MAL: variants seen among roughly 807,000 people sequenced by gnomAD.
MAL encodes the protein mal, T cell differentiation protein (MAL blood group).
In MAL, 5 loss-of-function variants were observed where a neutral mutation model predicts 16.7. The ratio of observed to expected loss-of-function variants is 0.30; its 90% CI spans 0.16 to 0.63. The LOEUF (loss-of-function observed/expected upper bound fraction) is 0.63, where lower values mean the gene tolerates loss of function less well. Among genes scored for constraint, MAL ranks in the 30% least tolerant of loss-of-function variants. MAL has a pLI of 0.82. For missense variants in MAL, 202 were observed against 195.8 expected, an observed-to-expected ratio of 1.03 and a Z score of -0.19; for synonymous variants, 96 against 85.5, an observed-to-expected ratio of 1.12 and a Z score of -0.67.
chr2:95,039,436 C>CTGAGTGAG (rs551292618), intron 1 of MAL, among the ~76,000 whole-genome samples: 3 of 92,770 alleles, frequency 3.2e-5, no homozygotes, highest in Non-Finnish European at 4.4e-5. Flanking sequence ...GACTGAGTGA[C>CTGAGTGAG]TGAGTGAGTG....
At chr2:95,048,645 G>A (rs1674644288) in intron 2 of MAL, among the ~76,000 whole-genome samples, 1 of 152,190 alleles carries the variant, frequency 6.6e-6, no homozygotes, top group Admixed American at 6.5e-5. Context: ...TCTGCTTTGA[G>A]ACCCATGAAA....
intron 1 of MAL, among the ~76,000 whole-genome samples, chr2:95,033,242 C>T (rs371831921): frequency 5.3e-5 from 8 of 152,108 alleles, no homozygotes; most frequent in East Asian, 1.9e-4. Flanking sequence ...TGGAGTGGGG[C>T]GGGTGGGGTC....
intron 1 of MAL, among the ~76,000 whole-genome samples, chr2:95,029,283 G>A (rs1345547490): frequency 3.3e-5 from 5 of 152,210 alleles, no homozygotes; most frequent in African/African-American, 1.2e-4. Context: ...AGGGCCACCT[G>A]TAGGCTGAAT....
chr2:95,047,882 G>A, intron 1 of MAL, 77 bp from the exon 2 acceptor site: 3 of 1,452,592 alleles, frequency 2.1e-6, no homozygotes, highest in Non-Finnish European at 2.8e-6. Flanking sequence ...GTCACCCCAT[G>A]TGACCGCTGG....
chr2:95,050,894 GGT>G (rs1674701851), intron 3 of MAL, among the ~76,000 whole-genome samples: 1 of 152,116 alleles, frequency 6.6e-6, no homozygotes, highest in Admixed American at 6.5e-5. Flanking sequence ...TGGGGAGGCT[GGT>G]GAGCCACCCT....
At chr2:95,037,536 GTGAC>G (rs1274771134) in intron 1 of MAL, among the ~76,000 whole-genome samples, 6 of 151,502 alleles carry the variant, frequency 4.0e-5, no homozygotes, top group East Asian at 3.9e-4. Flanking sequence ...AAGCGAGTGA[GTGAC>G]TGAGTGAGTG....
intron 3 of MAL, among the ~76,000 whole-genome samples, chr2:95,050,122 T>C (rs3112982): frequency 0.8 from 121,140 of 152,098 alleles, 48,616 homozygotes; most frequent in African/African-American, 0.88. Context: ...TTGTGGGACC[T>C]GGCATCAACG....
intron 2 of MAL, among the ~76,000 whole-genome samples, chr2:95,049,051 C>T (rs1249733349): frequency 6.6e-6 from 1 of 152,156 alleles, no homozygotes; most frequent in Non-Finnish European, 1.5e-5. Flanking sequence ...GTCCTGGCCT[C>T]AAGAGATCCT....
chr2:95,048,603 G>C (rs1281540067), intron 2 of MAL, among the ~76,000 whole-genome samples: 6 of 152,208 alleles, frequency 3.9e-5, no homozygotes, highest in South Asian at 2.1e-4. Flanking sequence ...CTGGGAAACA[G>C]AAGCGGCCTT....
intron 1 of MAL, among the ~76,000 whole-genome samples, chr2:95,040,272 C>CA (rs1297712403): frequency 1.3e-5 from 2 of 152,186 alleles, no homozygotes; most frequent in Non-Finnish European, 2.9e-5. Flanking sequence ...CACAGACATA[C>CA]ACACATACAT....
At chr2:95,028,179 C>T (rs916737142) in intron 1 of MAL, among the ~76,000 whole-genome samples, 2 of 148,916 alleles carry the variant, frequency 1.3e-5, no homozygotes, top group African/African-American at 2.5e-5. Context: ...AAAAAAAACC[C>T]GGCTTGGGTG....
rs1673915811 is a variant in MAL, at chr2:95,025,736, C to G, written c.-57C>G. ...GGGCTCCGCGGAGCCAGCGAGAGGT[C>G]TGCGCGGAGTCTGAGCGGCGCTCGT... is the stretch of plus-strand genomic sequence containing the variant. On this transcript the variant is annotated 5_prime_UTR_variant, in exon 1 of 4. Transcript: ENST00000309988. This position sits in a 1 kb window ranked among gnomAD's most constrained non-coding sequence, Gnocchi z 5.6. The G allele has an allele frequency of 7.9e-7, 1 of 1,271,310 alleles. No individual in the cohort carries two copies. The highest frequency in any genetic ancestry group is 1.6e-5 in the African/African-American group (1 of 64,340). The allele number at this position is 1,271,310 out of a possible 1,614,324, so 78.8% of individuals were successfully genotyped here. A position where few individuals can be genotyped will look rare whatever the true frequency, so the allele number is the denominator to read the frequency against.
intron 1 of MAL, among the ~76,000 whole-genome samples, chr2:95,044,831 A>C (rs1674549249): frequency 1.3e-5 from 2 of 152,222 alleles, no homozygotes; most frequent in Non-Finnish European, 1.5e-5. Context: ...CAAGGTGCAC[A>C]CAGGAGGCTG....
intron 1 of MAL, among the ~76,000 whole-genome samples, chr2:95,042,438 G>A (rs546532809): frequency 3.2e-4 from 49 of 152,320 alleles, no homozygotes; most frequent in African/African-American, 9.9e-4. Context: ...GGTGCCCCAG[G>A]TGACTTAATG....
chr2:95,053,503 G>A lies in MAL; in HGVS notation c.*48G>A, dbSNP rs141636399. On this transcript the variant is annotated 3_prime_UTR_variant, in exon 4 of 4. Transcript: ENST00000309988. ...AAAACCCAGATGGTGTTAACTGGCC[G>A]CCCCACTTTCCGGCATAACTTTTTA... The A allele has an allele frequency of 2.8e-3, 3,989 of 1,406,802 alleles. 34 individuals are homozygous for A. Among genetic ancestry groups the A allele is most frequent in the Non-Finnish European group, 3.0e-3 (3,019 of 992,790 alleles). The allele number at this position is 1,406,802 out of a possible 1,614,324, so 87.1% of individuals were successfully genotyped here.
chr2:95,047,682 A>C (rs754645693), intron 1 of MAL, among the ~76,000 whole-genome samples: 1 of 152,178 alleles, frequency 6.6e-6, no homozygotes, highest in African/African-American at 2.4e-5. Flanking sequence ...ACGCCACTGT[A>C]CTCACGCCTG....
chr2:95,045,319 C>T (rs541377946), intron 1 of MAL, among the ~76,000 whole-genome samples: 1 of 152,314 alleles, frequency 6.6e-6, no homozygotes, highest in South Asian at 2.1e-4. Flanking sequence ...TCTTCCCAAC[C>T]ATGTGCAACC....
rs1213079056 is a variant in MAL at position 95,046,912 on chromosome 2, GAGAGAGAAAGAA to G, written c.94-1035_94-1024del. 2.5e-4 allele frequency among the ~76,000 whole-genome samples: 37 copies of G among 148,558 alleles called. 1 individual carries two copies. Among genetic ancestry groups the G allele is most frequent in the African/African-American group, 8.9e-4 (36 of 40,228 alleles). The stretch of plus-strand genomic sequence containing the variant: ...GAGAAAAGAAAGAGAGAGAGAGAAA[GAGAGAGAAAGAA>G]AGAGAGAAAGAGAAAGAAAGAAAGA... On this transcript the variant is annotated intron_variant, in intron 1 of 3. Transcript: ENST00000309988.
chr2:95,028,774 C>T (rs1260518110), intron 1 of MAL, among the ~76,000 whole-genome samples: 1 of 152,184 alleles, frequency 6.6e-6, no homozygotes, highest in East Asian at 1.9e-4. Context: ...CTTGAAAACT[C>T]TATGCTAAGC....
Sources: gnomAD v4.1 joint callset for allele counts (sites outside exome capture counted in the v4.1 genomes callset) on GRCh38, gnomAD v4.1.1 for gene constraint, Gnocchi (gnomAD v3.1) non-coding constraint, MANE v1.5 for transcripts, NCBI Gene and HGNC (gene_info 2026-07-23, HGNC 2026-07-21) for gene names.